FRY: variants seen among roughly 807,000 people sequenced by gnomAD.
The protein encoded by FRY is protein furry homolog.
FRY carries 128 observed loss-of-function variants against 348.4 expected under a neutral mutation model. The ratio of observed to expected loss-of-function variants is 0.37; its 90% confidence interval spans 0.32 to 0.43. The LOEUF is 0.43. Ranked by LOEUF, FRY falls within the 20% of genes least tolerant of loss-of-function variation. The pLI is 1.00. For synonymous variants in FRY, 1,370 were observed against 1,374.7 expected (o/e 1.00, Z 0.08); for missense variants, 2,736 against 3,695.2 (o/e 0.74, Z 6.73).
intron 19 of FRY, among the ~76,000 whole-genome samples, chr13:32,175,271 C>T (rs770606588): frequency 6.6e-6 from 1 of 152,178 alleles, no homozygotes; most frequent in Non-Finnish European, 1.5e-5. Flanking sequence ...GGTAGATTCT[C>T]ATGTACATGT....
intron 7 of FRY, among the ~76,000 whole-genome samples, chr13:32,127,795 G>T (rs1299090564): frequency 1.3e-5 from 2 of 151,860 alleles, no homozygotes; most frequent in Non-Finnish European, 1.5e-5. Context: ...AAAAGTAAAA[G>T]ATAGACGTAT....
chr13:32,173,549 G>GGGCT lies in FRY; in HGVS notation c.2334+1_2334+2insGCTG, dbSNP rs768382904. Reference sequence around the variant, plus strand: ...TGTTTATTGCCCTGGGGCAGCCTGAGGTATGGATTAGTCTTCTGAATTTTT... The same window carrying GGGCT: ...TGTTTATTGCCCTGGGGCAGCCTGAGGGCTGTATGGATTAGTCTTCTGAATTTTT... On this transcript the variant is annotated frameshift_variant and splice_region_variant. Transcript: ENST00000542859. LOFTEE classifies it high-confidence loss of function. 6.2e-7 allele frequency: 1 copy of GGGCT among 1,609,878 alleles called. No individual in the cohort carries two copies. The highest frequency in any genetic ancestry group is 8.5e-7 in the Non-Finnish European group (1 of 1,176,658).
At chr13:32,086,058 T>C (rs1249149472) in intron 2 of FRY, 1 of 504,062 alleles carries the variant, frequency 2.0e-6, no homozygotes, top group Non-Finnish European at 4.0e-6. Flanking sequence ...TTGAGGTAAG[T>C]CCGCCTCTGA....
chr13:32,135,214 A>C (rs1321242173), intron 10 of FRY, 31 bp downstream of exon 10: 2 of 1,278,700 alleles, frequency 1.6e-6, no homozygotes, highest in Admixed American at 1.7e-5. Context: ...CGAAAACACA[A>C]ACAAAACTGC....
intron 39 of FRY, among the ~76,000 whole-genome samples, chr13:32,228,072 TAA>T (rs1885692496): frequency 2.0e-5 from 3 of 152,162 alleles, no homozygotes; most frequent in African/African-American, 7.2e-5. Flanking sequence ...TTAAGAAGAC[TAA>T]TACCCAGGAA....
intron 20 of FRY, among the ~76,000 whole-genome samples, chr13:32,177,855 T>C (rs184942651): frequency 2.4e-4 from 37 of 152,374 alleles, no homozygotes; most frequent in Admixed American, 2.3e-3. Context: ...AGTTTAAATT[T>C]ACTGTCATAT....
chr13:32,172,292 G>A (rs938139545), intron 18 of FRY, among the ~76,000 whole-genome samples: 23 of 152,140 alleles, frequency 1.5e-4, no homozygotes, highest in Non-Finnish European at 2.4e-4. Context: ...TGTGGATATG[G>A]ATGTGAATAT....
At chr13:32,205,766 T>C (rs1884317576) in intron 31 of FRY, among the ~76,000 whole-genome samples, 1 of 152,024 alleles carries the variant, frequency 6.6e-6, no homozygotes, top group Non-Finnish European at 1.5e-5. Context: ...GAATGCATTT[T>C]TAAAAGCCTG....
At chr13:32,175,207 T>G (rs1471801548) in intron 19 of FRY, among the ~76,000 whole-genome samples, 1 of 152,194 alleles carries the variant, frequency 6.6e-6, no homozygotes, top group African/African-American at 2.4e-5. Flanking sequence ...CTTGCAGAAT[T>G]TCTACTCCTC....
chr13:32,236,173 G>A lies in FRY; in HGVS notation c.5810+1G>A. The A allele has an allele frequency of 6.2e-7, 1 of 1,601,586 alleles. No individual in the cohort carries two copies. The highest frequency in any genetic ancestry group is 8.6e-7 in the Non-Finnish European group (1 of 1,168,604). ...GTGACCTCCTAACTGTATTGTCCCGGTGAGAATCAGCTTAATGATACTTTG... is the reference window on the plus strand; with the variant it reads ...GTGACCTCCTAACTGTATTGTCCCGATGAGAATCAGCTTAATGATACTTTG... On this transcript the variant is annotated splice_donor_variant, in intron 43 of 60. Coordinates refer to ENST00000542859, the MANE Select transcript of FRY (RefSeq NM_023037.3). LOFTEE classifies it high-confidence loss of function.
intron 17 of FRY, among the ~76,000 whole-genome samples, chr13:32,167,520 A>G (rs1881806278): frequency 1.3e-5 from 2 of 152,202 alleles, no homozygotes; most frequent in South Asian, 4.1e-4. Context: ...ATATTGGATT[A>G]GGGGCCCACA....
intron 46 of FRY, among the ~76,000 whole-genome samples, chr13:32,242,350 A>G (rs1886556078): frequency 6.6e-6 from 1 of 152,202 alleles, no homozygotes; most frequent in Non-Finnish European, 1.5e-5. Context: ...CATTTGTAAT[A>G]CTATAAACAG....
At chr13:32,046,917 T>C (rs1191698698) in intron 1 of FRY, among the ~76,000 whole-genome samples, 1 of 152,222 alleles carries the variant, frequency 6.6e-6, no homozygotes, top group Non-Finnish European at 1.5e-5. Flanking sequence ...TTCTGTGCAA[T>C]TTGGGACTGT....
intron 1 of FRY, among the ~76,000 whole-genome samples, chr13:32,077,743 T>A (rs1875178768): frequency 6.6e-6 from 1 of 152,252 alleles, no homozygotes; most frequent in Non-Finnish European, 1.5e-5. Context: ...AGAAAGAACT[T>A]TGTTTTGCCT....
In FRY at chr13:32,209,677, G is replaced by A. The variant is rs1448236957; in HGVS notation, c.4368G>A (p.Leu1456=). 1.3e-5 allele frequency: 21 copies of A among 1,613,978 alleles called. No homozygotes were observed. Among genetic ancestry groups the A allele is most frequent in the Non-Finnish European group, 1.6e-5 (19 of 1,179,974 alleles). ...EKWSNNLRIT[L]QFLISLCGVS... is the part of the protein sequence containing the mutation. ...GGAGCAACAACCTGAGGATCACCTTGCAGTTCCTGATTAGCCTCTGTGGGG... is the reference window on the plus strand; with the variant it reads ...GGAGCAACAACCTGAGGATCACCTTACAGTTCCTGATTAGCCTCTGTGGGG... Residue 1456 remains leucine, a synonymous_variant, in exon 33 of 61, where the codon TTG becomes TTA. Coordinates refer to ENST00000542859, the MANE Select transcript of FRY (RefSeq NM_023037.3).
At chr13:32,042,854 G>A (rs1205004671) in intron 1 of FRY, among the ~76,000 whole-genome samples, 1 of 152,188 alleles carries the variant, frequency 6.6e-6, no homozygotes, top group African/African-American at 2.4e-5. Context: ...CTGGCACTGG[G>A]CTGGGTACAC....
At chr13:32,096,809 A>AG (rs1876759589) in intron 2 of FRY, among the ~76,000 whole-genome samples, 2 of 150,990 alleles carry the variant, frequency 1.3e-5, no homozygotes, top group African/African-American at 4.9e-5. Context: ...TCTCAAAAAA[A>AG]AAAAAAAAAA....
intron 17 of FRY, among the ~76,000 whole-genome samples, chr13:32,168,842 C>A (rs1779005859): frequency 6.6e-6 from 1 of 152,114 alleles, no homozygotes; most frequent in East Asian, 1.9e-4. Flanking sequence ...TAAAATAAGA[C>A]AAGAGTTTGC....
intron 17 of FRY, among the ~76,000 whole-genome samples, chr13:32,161,467 C>T (rs562787084): frequency 6.6e-6 from 1 of 152,292 alleles, no homozygotes; most frequent in Admixed American, 6.5e-5. Flanking sequence ...AGGTCGCTAA[C>T]AACCCAAAGC....
Sources: allele counts gnomAD v4.1 joint callset (sites outside exome capture counted in the v4.1 genomes callset), GRCh38; gene constraint gnomAD v4.1.1; transcripts MANE v1.5; gene names NCBI Gene and HGNC (gene_info 2026-07-23, HGNC 2026-07-21).